RSBN1L: variants seen among roughly 807,000 people sequenced by gnomAD.
RSBN1L encodes round spermatid basic protein 1 like.
In RSBN1L, 30 loss-of-function variants were observed where a neutral mutation model predicts 67.7. That is an observed-to-expected ratio of 0.44 (90% CI 0.33 to 0.60). The LOEUF (loss-of-function observed/expected upper bound fraction) is 0.60, where lower values mean the gene tolerates loss of function less well. Ranked by LOEUF, RSBN1L falls within the 20% of genes least tolerant of loss-of-function variation. The probability of loss-of-function intolerance (pLI) is 0.02; values close to 1 mark genes in which losing one functional copy is unlikely to be tolerated. For missense variants in RSBN1L, 992 were observed against 1,031.7 expected (o/e 0.96, Z 0.53); for synonymous variants, 433 against 387.0 (o/e 1.12, Z -1.39).
Position 77,718,716 on chromosome 7 carries a change from T to C in RSBN1L, c.587-17694T>C, listed in dbSNP as rs572084730. Among the ~76,000 whole-genome samples, 79 of 152,370 alleles carry C rather than the reference T, an allele frequency of 5.2e-4. 1 individual carries two copies. The highest frequency in any genetic ancestry group is 1.2e-3 in the South Asian group (6 of 4,830). On this transcript the variant is annotated intron_variant, in intron 1 of 7. Coordinates refer to ENST00000334955, the MANE Select transcript of RSBN1L (RefSeq NM_198467.3). ...ATAAGACTTTGTGAAGGCTGAATTA[T>C]CTCTTAATGCATAACAAACTGCCCT...
In RSBN1L at chr7:77,779,400, ATTTACG is replaced by A. The variant is rs1584308584; in HGVS notation, c.*235_*240del. 3.5e-5 allele frequency: 9 copies of A among 254,126 alleles called. No homozygotes were observed. In the East Asian group the frequency reaches 7.1e-4, roughly 20 times the overall value. The allele number at this position is 254,126 out of a possible 1,614,324, so 15.7% of individuals were successfully genotyped here. ...ATAAAGGAGTCTTTAAAAAAAAATC[ATTTACG>A]TTGGAATTTTAGGTTTTAGAATAGA... On this transcript the variant is annotated 3_prime_UTR_variant, in exon 8 of 8. Coordinates refer to ENST00000334955, the MANE Select transcript of RSBN1L (RefSeq NM_198467.3).
At chr7:77,737,355 A>C (rs936117540) in intron 2 of RSBN1L, among the ~76,000 whole-genome samples, 10 of 152,174 alleles carry the variant, frequency 6.6e-5, no homozygotes, top group African/African-American at 2.4e-4. Flanking sequence ...AATTGTTGAT[A>C]AGGCTTTATA....
At chr7:77,761,698 A>T (rs1037549826) in intron 3 of RSBN1L, among the ~76,000 whole-genome samples, 1 of 152,230 alleles carries the variant, frequency 6.6e-6, no homozygotes, top group African/African-American at 2.4e-5. Flanking sequence ...TGTTGTGTGT[A>T]ACTTGCCATG....
intron 1 of RSBN1L, among the ~76,000 whole-genome samples, chr7:77,735,196 A>G (rs1791318127): frequency 6.6e-6 from 1 of 152,194 alleles, no homozygotes; most frequent in Non-Finnish European, 1.5e-5. Context: ...AGTAGTCTAG[A>G]CCTGTGCTAT....
intron 1 of RSBN1L, among the ~76,000 whole-genome samples, chr7:77,710,132 G>A (rs896359626): frequency 5.3e-5 from 8 of 152,064 alleles, no homozygotes; most frequent in African/African-American, 1.7e-4. Flanking sequence ...CTCTTGCCAG[G>A]ATTATTGCAC....
intron 6 of RSBN1L, chr7:77,773,585 A>G (rs28727958): frequency 8.9e-6 from 2 of 224,280 alleles, no homozygotes; most frequent in Non-Finnish European, 8.7e-6. Flanking sequence ...CAATATGGGG[A>G]AACCCCGTCT....
At chr7:77,697,372 T>G (rs538593082) in intron 1 of RSBN1L, 1 of 281,332 alleles carries the variant, frequency 3.6e-6, no homozygotes, top group East Asian at 6.0e-5. Context: ...GGGAGAGAGA[T>G]GGAGGGAACG....
At chr7:77,752,671 C>G (rs1791569555) in intron 3 of RSBN1L, among the ~76,000 whole-genome samples, 1 of 152,172 alleles carries the variant, frequency 6.6e-6, no homozygotes, top group Non-Finnish European at 1.5e-5. Flanking sequence ...TAATGTATGA[C>G]ATAGTATACA....
chr7:77,735,876 T>A (rs1791327363), intron 1 of RSBN1L, among the ~76,000 whole-genome samples: 1 of 152,174 alleles, frequency 6.6e-6, no homozygotes, highest in Non-Finnish European at 1.5e-5. Context: ...TGAGTCATAC[T>A]ATTTTTAAAA....
At chr7:77,720,328 A>G (rs2150415854) in intron 1 of RSBN1L, among the ~76,000 whole-genome samples, 1 of 152,278 alleles carries the variant, frequency 6.6e-6, no homozygotes, top group East Asian at 1.9e-4. Context: ...TGGGAGGCCA[A>G]GGTGGGTGGA....
intron 1 of RSBN1L, among the ~76,000 whole-genome samples, chr7:77,727,213 G>C (rs538352126): frequency 1.3e-5 from 2 of 151,842 alleles, no homozygotes; most frequent in African/African-American, 4.8e-5. Context: ...TCAGCCTCCT[G>C]AGTAGCTGGG....
rs143925164 is a variant in RSBN1L at position 77,774,352 on chromosome 7, C to T, written c.1793+1038C>T. Among the ~76,000 whole-genome samples, 275 of 152,090 alleles carry T rather than the reference C, an allele frequency of 1.8e-3. 1 individual carries two copies. Among genetic ancestry groups the T allele is most frequent in the African/African-American group, 5.7e-3 (236 of 41,480 alleles). Reference sequence around the variant, plus strand: ...CTGTAATTCCAGCACTTTGGGAGGCCGAGGTGGGTGGGATCACCTGAGGTC... The same window carrying T: ...CTGTAATTCCAGCACTTTGGGAGGCTGAGGTGGGTGGGATCACCTGAGGTC... On this transcript the variant is annotated intron_variant, in intron 6 of 7. Coordinates refer to ENST00000334955, the MANE Select transcript of RSBN1L (RefSeq NM_198467.3).
At chr7:77,765,120 C>T (rs1451522600) in intron 3 of RSBN1L, among the ~76,000 whole-genome samples, 4 of 152,166 alleles carry the variant, frequency 2.6e-5, no homozygotes, top group Non-Finnish European at 4.4e-5. Flanking sequence ...ATATGAACTT[C>T]ATTTCACTTT....
intron 1 of RSBN1L, among the ~76,000 whole-genome samples, chr7:77,720,763 C>CTTTTTTTTTTTTTTTTTTTTTTGTTT (rs34070122): frequency 9.6e-6 from 1 of 104,368 alleles, no homozygotes. Context: ...TTTTCTTTTT[C>CTTTTTTTTTTTTTTTTTTTTTTGTTT]TTTTTTTTTT....
chr7:77,750,949 T>C (rs1791549195), intron 3 of RSBN1L, among the ~76,000 whole-genome samples: 1 of 152,174 alleles, frequency 6.6e-6, no homozygotes, highest in Non-Finnish European at 1.5e-5. Flanking sequence ...GTGTCAGGAT[T>C]AGAACAAAAT....
chr7:77,757,777 G>C (rs1418279395), intron 3 of RSBN1L, among the ~76,000 whole-genome samples: 3 of 152,170 alleles, frequency 2.0e-5, no homozygotes, highest in African/African-American at 7.2e-5. Flanking sequence ...CATCCCACAG[G>C]TTAGCCTGGG....
chr7:77,724,371 G>A (rs1018187571), intron 1 of RSBN1L, among the ~76,000 whole-genome samples: 1 of 151,568 alleles, frequency 6.6e-6, no homozygotes, highest in African/African-American at 2.4e-5. Context: ...AGGAGAGTTA[G>A]GCTACCAACT....
At chr7:77,777,363 C>T (rs900544545) in intron 6 of RSBN1L, among the ~76,000 whole-genome samples, 2 of 151,458 alleles carry the variant, frequency 1.3e-5, no homozygotes, top group African/African-American at 2.4e-5. Flanking sequence ...TCTACATTTT[C>T]ATTTAAGTAT....
intron 1 of RSBN1L, 42 bp downstream of exon 1, chr7:77,697,097 T>C (rs2150409701): frequency 3.8e-6 from 5 of 1,310,658 alleles, no homozygotes; most frequent in South Asian, 2.1e-5. Context: ...GCGCCGTGGG[T>C]CCCCGCCGCC....
Sources: gnomAD v4.1 joint callset for allele counts (sites outside exome capture counted in the v4.1 genomes callset) on GRCh38, gnomAD v4.1.1 for gene constraint, MANE v1.5 for transcripts, NCBI Gene and HGNC (gene_info 2026-07-23, HGNC 2026-07-21) for gene names.